The following STARD13 variants were observed in gnomAD, a reference collection of about 807,000 sequenced individuals.
STARD13 encodes stAR-related lipid transfer protein 13.
In STARD13, 62 loss-of-function variants were observed where a neutral mutation model predicts 106.4. That is an observed-to-expected ratio of 0.58 (90% CI 0.48 to 0.72). The LOEUF (loss-of-function observed/expected upper bound fraction) is 0.72. STARD13 is among the 30% of genes least tolerant of loss of function. STARD13 has a pLI of 0.00. For missense variants in STARD13, 1,387 were observed against 1,424.0 expected, an observed-to-expected ratio of 0.97 and a Z score of 0.42; for synonymous variants, 565 against 553.0, an observed-to-expected ratio of 1.02 and a Z score of -0.31.
the STARD13 span, among the ~76,000 whole-genome samples, chr13:33,552,266 CACTT>C: frequency 5.3e-5 from 8 of 152,264 alleles, no homozygotes; most frequent in East Asian, 1.9e-4. Context: ...TATCACTTAA[CACTT>C]ACACAACACG....
At chr13:33,293,196 A>T (rs1406561134) in intron 1 of STARD13, among the ~76,000 whole-genome samples, 1 of 152,142 alleles carries the variant, frequency 6.6e-6, no homozygotes, top group Non-Finnish European at 1.5e-5. Flanking sequence ...TTACATATGT[A>T]TTCGCTCATG....
chr13:33,331,045 T>A (rs1189971344), intron 1 of STARD13, among the ~76,000 whole-genome samples: 1 of 152,196 alleles, frequency 6.6e-6, no homozygotes, highest in East Asian at 1.9e-4. Flanking sequence ...ATTTTTGTCA[T>A]CCTGGAGTCA....
Position 33,105,628 on chromosome 13 carries a change from G to A in STARD13, c.3307C>T (p.Pro1103Ser). Residue 1103 changes from proline (P) to serine (S), a missense_variant, in exon 14 of 14, where the codon CCC (proline) becomes TCC (serine). Coordinates refer to ENST00000336934, the MANE Select transcript of STARD13 (RefSeq NM_178006.4). ...GTTTCTGGGCCCTCAGCAATGAGGG[G>A]CTGGAAAGAGTTTCTAATCCTGGCA... ...EVARIRNSFQ[P>S]LIAEGPETKI The A allele has an allele frequency of 6.2e-7, 1 of 1,614,044 alleles. No individual in the cohort carries two copies. The highest frequency in any genetic ancestry group is 2.2e-5 in the East Asian group (1 of 44,884).
chr13:33,272,580 G>C (rs1891216843), intron 1 of STARD13: 3 of 152,178 alleles, frequency 2.0e-5, no homozygotes, highest in Admixed American at 2.0e-4. Flanking sequence ...TTTCATGGGT[G>C]ATTCAGTGGA....
At chr13:33,246,218 T>C (rs2138267659) in intron 1 of STARD13, among the ~76,000 whole-genome samples, 1 of 152,306 alleles carries the variant, frequency 6.6e-6, no homozygotes, top group South Asian at 2.1e-4. Flanking sequence ...ATTTAAGACA[T>C]GCGCATCAAA....
At chr13:33,113,697 G>GA (rs1325821995) in intron 8 of STARD13, 1 of 436,820 alleles carries the variant, frequency 2.3e-6, no homozygotes, top group Non-Finnish European at 4.6e-6. Flanking sequence ...GGTTATGGGG[G>GA]ATGTCTGGCC....
chr13:33,601,441 C>A, the STARD13 span, among the ~76,000 whole-genome samples: 3 of 152,058 alleles, frequency 2.0e-5, no homozygotes, highest in Non-Finnish European at 4.4e-5. Context: ...TGTGGAAGTG[C>A]CTCAGGGGTT....
chr13:33,465,670 A>G, the STARD13 span, among the ~76,000 whole-genome samples: 1 of 152,110 alleles, frequency 6.6e-6, no homozygotes, highest in Non-Finnish European at 1.5e-5. Flanking sequence ...CATTTGCTCC[A>G]CTACAGACTG....
At chr13:33,374,561 G>A in the STARD13 span, among the ~76,000 whole-genome samples, 1 of 152,114 alleles carries the variant, frequency 6.6e-6, no homozygotes, top group East Asian at 1.9e-4. Context: ...GAGAGATAGC[G>A]GCAAGCCACT....
the STARD13 span, among the ~76,000 whole-genome samples, chr13:33,538,871 A>T: frequency 1.3e-5 from 2 of 151,352 alleles, no homozygotes; most frequent in African/African-American, 4.9e-5. Flanking sequence ...CCGGGTTCAC[A>T]CCATTCTCCT....
At chr13:33,531,487 T>C in the STARD13 span, among the ~76,000 whole-genome samples, 2,534 of 152,334 alleles carry the variant, frequency 0.017, 75 homozygotes, top group African/African-American at 0.056. Flanking sequence ...TAGTGTTTGA[T>C]AGCTACTTTG....
chr13:33,110,930 G>A (rs1874458372), intron 10 of STARD13, 23 bp from the exon 11 acceptor site: 2 of 1,596,494 alleles, frequency 1.3e-6, no homozygotes, highest in African/African-American at 1.3e-5. Flanking sequence ...ATGCATGAAA[G>A]GGCAACACAC....
At chr13:33,352,773 CCA>C (rs375674712), upstream of STARD13, among the ~76,000 whole-genome samples, 12 of 152,322 alleles carry the variant, frequency 7.9e-5, no homozygotes, top group African/African-American at 2.9e-4. Flanking sequence ...GATGGAGCCG[CCA>C]CAAATGCCAA....
intron 1 of STARD13, among the ~76,000 whole-genome samples, chr13:33,341,924 G>A (rs2077965713): frequency 6.6e-6 from 1 of 151,960 alleles, no homozygotes; most frequent in African/African-American, 2.4e-5. Flanking sequence ...GGAGTAGCTG[G>A]AATTACAGGC....
the STARD13 span, among the ~76,000 whole-genome samples, chr13:33,486,634 T>C: frequency 6.6e-6 from 1 of 152,186 alleles, no homozygotes; most frequent in Non-Finnish European, 1.5e-5. Flanking sequence ...GATGCTTTTT[T>C]CCAATATGTG....
At chr13:33,512,993 C>T in the STARD13 span, among the ~76,000 whole-genome samples, 1 of 152,084 alleles carries the variant, frequency 6.6e-6, no homozygotes, top group African/African-American at 2.4e-5. Flanking sequence ...TTATGGCAAC[C>T]CTAGTAAAAT....
chr13:33,170,881 T>C (rs2138392341), intron 1 of STARD13, among the ~76,000 whole-genome samples: 1 of 152,188 alleles, frequency 6.6e-6, no homozygotes, highest in Non-Finnish European at 1.5e-5. Flanking sequence ...CAAATCTGAG[T>C]TTGCCCATCC....
chr13:33,181,321 A>C (rs1183828292), intron 1 of STARD13, among the ~76,000 whole-genome samples: 1 of 152,076 alleles, frequency 6.6e-6, no homozygotes, highest in East Asian at 1.9e-4. Context: ...GATTCTGTAA[A>C]TATGTCTTAG....
At chr13:33,346,293 C>A (rs2078016172), downstream of STARD13, among the ~76,000 whole-genome samples, 1 of 152,184 alleles carries the variant, frequency 6.6e-6, no homozygotes, top group Non-Finnish European at 1.5e-5. Context: ...TACCCTAAGA[C>A]AAAACCACCC....
Sources: gnomAD v4.1 joint callset for allele counts (sites outside exome capture counted in the v4.1 genomes callset) on GRCh38, gnomAD v4.1.1 for gene constraint, MANE v1.5 for transcripts, NCBI Gene and HGNC (gene_info 2026-07-23, HGNC 2026-07-21) for gene names.